Variants in TANC2 observed in about 807,000 individuals in gnomAD.
TANC2 encodes the protein protein TANC2.
In TANC2, 26 loss-of-function variants were observed where a neutral mutation model predicts 210.5. The ratio of observed to expected loss-of-function variants is 0.12; its 90% confidence interval spans 0.09 to 0.17. The LOEUF (loss-of-function observed/expected upper bound fraction) is 0.17. Ranked by LOEUF, TANC2 falls within the 10% of genes least tolerant of loss-of-function variation. The pLI is 1.00. For synonymous variants in TANC2, 931 were observed against 967.1 expected, an observed-to-expected ratio of 0.96 and a Z score of 0.69; for missense variants, 2,129 against 2,608.9, an observed-to-expected ratio of 0.82 and a Z score of 4.01.
At chr17:63,280,834 G>A (rs1462210346) in intron 9 of TANC2, among the ~76,000 whole-genome samples, 1 of 152,070 alleles carries the variant, frequency 6.6e-6, no homozygotes, top group Non-Finnish European at 1.5e-5. Context: ...TAAATAGGTA[G>A]CTATACTGGC....
At chr17:63,356,881 T>A (rs1204102468) in intron 14 of TANC2, among the ~76,000 whole-genome samples, 1 of 152,118 alleles carries the variant, frequency 6.6e-6, no homozygotes, top group Non-Finnish European at 1.5e-5. Flanking sequence ...AAGAAACACT[T>A]GGGGTATGTT....
intron 1 of TANC2, among the ~76,000 whole-genome samples, chr17:62,971,716 G>C (rs2031703937): frequency 6.6e-6 from 1 of 152,162 alleles, no homozygotes; most frequent in Non-Finnish European, 1.5e-5. Flanking sequence ...GGAGGTGAGT[G>C]GCTGGCCAGC....
chr17:63,173,317 A>G (rs150513262), intron 5 of TANC2, among the ~76,000 whole-genome samples: 1 of 152,310 alleles, frequency 6.6e-6, no homozygotes, highest in Non-Finnish European at 1.5e-5. Context: ...CAACCAACCC[A>G]AGAAACCAAC....
At chr17:63,413,378 C>A in intron 24 of TANC2, 165 bp from the exon 25 acceptor site, 1 of 532,392 alleles carries the variant, frequency 1.9e-6, no homozygotes, top group South Asian at 2.8e-5. Context: ...AGCTTCTTGG[C>A]AGTGGGAGTT....
At chr17:63,423,330 A>C (rs1274154009) in exon 28 of TANC2, 4 of 152,188 alleles carry the variant, frequency 2.6e-5, no homozygotes, top group Non-Finnish European at 1.5e-5. Context: ...TCTAGAAGAC[A>C]CATCTTCTAG....
rs2048932426 is a variant in TANC2, at chr17:63,418,469, G to A, written c.4268+62G>A. The A allele has an allele frequency of 6.7e-7, 1 of 1,490,526 alleles. No homozygotes were observed. The allele number at this position is 1,490,526 out of a possible 1,614,324, so 92.3% of individuals were successfully genotyped here. A position where few individuals can be genotyped will look rare whatever the true frequency, so the allele number is the denominator to read the frequency against. On this transcript the variant is annotated intron_variant, in intron 27 of 27. Coordinates refer to ENST00000689528, the Ensembl canonical transcript of TANC2. The surrounding 1 kb of genome is among the most constrained non-coding windows in gnomAD (Gnocchi z 4.6). ...CTTTTCTGAAAATTTGGCCAAGGCA[G>A]CGTCGGCCACCCTGGGGCATATGTA...
In TANC2 at chr17:63,258,111, G is replaced by T. The variant is rs537815206; in HGVS notation, c.1034-9637G>T. Among the ~76,000 whole-genome samples, 33 of 152,264 alleles carry T rather than the reference G, an allele frequency of 2.2e-4. No homozygotes were observed. In the East Asian group the frequency reaches 5.8e-3, roughly 27 times the overall value. On this transcript the variant is annotated intron_variant, in intron 8 of 27. Transcript: ENST00000689528. ...TGTTTCTCCTTCATGTTTGAAGGAT[G>T]TTTTCCCTGGATACGCTATTCTACC...
chr17:63,294,073 A>G (rs1035122383), intron 9 of TANC2, among the ~76,000 whole-genome samples: 4 of 152,226 alleles, frequency 2.6e-5, no homozygotes, highest in Admixed American at 6.5e-5. Flanking sequence ...ACAATTATTG[A>G]TGATCTCACA....
intron 4 of TANC2, among the ~76,000 whole-genome samples, chr17:63,144,623 A>G (rs1184921080): frequency 2.0e-5 from 3 of 152,150 alleles, no homozygotes; most frequent in Non-Finnish European, 2.9e-5. Context: ...ACTAAAAGGC[A>G]TAACACGTAG....
At chr17:63,079,615 A>G (rs2036696704) in intron 3 of TANC2, among the ~76,000 whole-genome samples, 1 of 152,224 alleles carries the variant, frequency 6.6e-6, no homozygotes, top group Admixed American at 6.5e-5. Context: ...ATTCAGAACA[A>G]ACGCTAGCTG....
At chr17:63,276,064 C>T (rs1171717877) in intron 9 of TANC2, among the ~76,000 whole-genome samples, 2 of 151,802 alleles carry the variant, frequency 1.3e-5, no homozygotes, top group Non-Finnish European at 2.9e-5. Flanking sequence ...TAAGACTTTG[C>T]AAAAAAATTT....
chr17:63,089,773 T>C (rs974636378), intron 3 of TANC2, among the ~76,000 whole-genome samples: 1 of 152,194 alleles, frequency 6.6e-6, no homozygotes, highest in Non-Finnish European at 1.5e-5. Flanking sequence ...GCATTGTTAT[T>C]GTGTGTATTA....
exon 12 of TANC2, chr17:63,340,165 A>G (rs1176260039): frequency 6.2e-7 from 1 of 1,613,898 alleles, no homozygotes; most frequent in Admixed American, 1.7e-5. Flanking sequence ...GAATTTGTCC[A>G]CAATGTTGCT....
chr17:63,063,771 ACT>A (rs2036095577), intron 2 of TANC2, among the ~76,000 whole-genome samples: 1 of 149,926 alleles, frequency 6.7e-6, no homozygotes, highest in East Asian at 2.0e-4. Flanking sequence ...TAGTTGTTTT[ACT>A]CTCTGTTATT....
intron 3 of TANC2, 88 bp from the exon 4 acceptor site, chr17:63,099,086 GT>G: frequency 7.8e-7 from 1 of 1,276,606 alleles, no homozygotes; most frequent in South Asian, 1.3e-5. Context: ...GAAAATATTT[GT>G]TGTTCTGGAT....
intron 2 of TANC2, among the ~76,000 whole-genome samples, chr17:63,019,063 G>A (rs2034238525): frequency 6.6e-6 from 1 of 152,094 alleles, no homozygotes; most frequent in Non-Finnish European, 1.5e-5. Context: ...CAAATGTCCG[G>A]GAGTGCAATT....
intron 4 of TANC2, among the ~76,000 whole-genome samples, chr17:63,126,629 G>C (rs1339523221): frequency 6.6e-6 from 1 of 152,056 alleles, no homozygotes; most frequent in South Asian, 2.1e-4. Flanking sequence ...GGCTGGTCTT[G>C]AATTCCTAGC....
chr17:63,068,689 C>T (rs2036290757), intron 2 of TANC2, among the ~76,000 whole-genome samples: 1 of 152,040 alleles, frequency 6.6e-6, no homozygotes, highest in African/African-American at 2.4e-5. Flanking sequence ...GATATAGTTT[C>T]ATTACACTTA....
At chr17:63,247,797 A>G (rs2042958040) in intron 8 of TANC2, among the ~76,000 whole-genome samples, 1 of 152,272 alleles carries the variant, frequency 6.6e-6, no homozygotes, top group South Asian at 2.1e-4. Context: ...ATACTTCATC[A>G]GAAAATTATT....
Sources: gnomAD v4.1 joint callset for allele counts (sites outside exome capture counted in the v4.1 genomes callset) on GRCh38, gnomAD v4.1.1 for gene constraint, Gnocchi (gnomAD v3.1) non-coding constraint, MANE v1.5 for transcripts, NCBI Gene and HGNC (gene_info 2026-07-23, HGNC 2026-07-21) for gene names.